Variants in CNOT4 observed in about 807,000 individuals in gnomAD.
The protein encoded by CNOT4 is CCR4-associated factor 4.
CNOT4 carries 8 observed loss-of-function variants against 73.8 expected under a neutral mutation model. That is an observed-to-expected ratio of 0.11 (90% CI 0.06 to 0.20). The LOEUF (loss-of-function observed/expected upper bound fraction) is 0.20, where lower values mean the gene tolerates loss of function less well. CNOT4 is among the 10% of genes least tolerant of loss of function. CNOT4 has a pLI of 1.00. For missense variants in CNOT4, 564 were observed against 883.4 expected (o/e 0.64, Z 4.58); for synonymous variants, 293 against 321.1 (o/e 0.91, Z 0.94).
chr7:135,384,641 C>T, intron 10 of CNOT4: 1 of 764,782 alleles, frequency 1.3e-6, no homozygotes, highest in Non-Finnish European at 2.4e-6. Context: ...CTCTTCCCAC[C>T]ACCCAACGAC....
chr7:135,435,066 T>C (rs1451066691), intron 2 of CNOT4, among the ~76,000 whole-genome samples: 1 of 152,242 alleles, frequency 6.6e-6, no homozygotes. Flanking sequence ...TTTTCTGTAA[T>C]TGTAAAATGA....
At chr7:135,420,577 C>CA (rs71174521) in intron 3 of CNOT4, among the ~76,000 whole-genome samples, 7,092 of 53,014 alleles carry the variant, frequency 0.13, 612 homozygotes, top group Non-Finnish European at 0.15. Context: ...ACCATGTCTC[C>CA]AAAAAAAAAA....
intron 3 of CNOT4, among the ~76,000 whole-genome samples, chr7:135,418,600 C>T (rs933082003): frequency 6.6e-6 from 1 of 152,136 alleles, no homozygotes; most frequent in Non-Finnish European, 1.5e-5. Flanking sequence ...ACACAGAATA[C>T]ACTGGAATAG....
intron 1 of CNOT4, among the ~76,000 whole-genome samples, chr7:135,503,367 G>T (rs1804128724): frequency 6.6e-6 from 1 of 151,884 alleles, no homozygotes; most frequent in South Asian, 2.1e-4. Context: ...AGAGGCTGAG[G>T]TGGGAGAATT....
intron 1 of CNOT4, among the ~76,000 whole-genome samples, chr7:135,458,275 T>C (rs1384494303): frequency 6.6e-6 from 1 of 152,108 alleles, no homozygotes; most frequent in Non-Finnish European, 1.5e-5. Flanking sequence ...AAACAATGTA[T>C]ACACCTTAAT....
intron 8 of CNOT4, among the ~76,000 whole-genome samples, chr7:135,397,592 G>C (rs1418864061): frequency 7.1e-6 from 1 of 141,726 alleles, no homozygotes; most frequent in Non-Finnish European, 1.5e-5. Flanking sequence ...GAAACTCAAG[G>C]AGTGAAAAAC....
chr7:135,453,838 ATATATATAT>A (rs1158180866), intron 1 of CNOT4, among the ~76,000 whole-genome samples: 1 of 139,328 alleles, frequency 7.2e-6, no homozygotes, highest in African/African-American at 2.6e-5. Context: ...ATATATATAT[ATATATATAT>A]TATATATATA....
chr7:135,373,252 A>G (rs1795318545), intron 10 of CNOT4, among the ~76,000 whole-genome samples: 4 of 152,254 alleles, frequency 2.6e-5, no homozygotes. Flanking sequence ...GCCACTGCTC[A>G]GCCTGATGCC....
At chr7:135,508,580 A>G (rs1195546180) in intron 1 of CNOT4, among the ~76,000 whole-genome samples, 1 of 152,248 alleles carries the variant, frequency 6.6e-6, no homozygotes. Context: ...CATCCTAGAA[A>G]TGTCAAGAGA....
chr7:135,401,920 G>A (rs1797023614), intron 7 of CNOT4, among the ~76,000 whole-genome samples: 1 of 151,904 alleles, frequency 6.6e-6, no homozygotes. Flanking sequence ...GATTCAAGTG[G>A]GACTAAGAAA....
chr7:135,388,404 CAGG>C (rs926247471), intron 10 of CNOT4: 5 of 983,584 alleles, frequency 5.1e-6, no homozygotes, highest in South Asian at 9.4e-5. Flanking sequence ...GCAAATTTTT[CAGG>C]AGATTAGGAT....
At chr7:135,432,726 A>G (rs1390400319) in intron 2 of CNOT4, among the ~76,000 whole-genome samples, 12 of 152,150 alleles carry the variant, frequency 7.9e-5, no homozygotes. Flanking sequence ...CTGGGAGAGA[A>G]TGCATGGAAG....
At chr7:135,365,520 T>C (rs1454383614) in intron 10 of CNOT4, among the ~76,000 whole-genome samples, 2 of 151,238 alleles carry the variant, frequency 1.3e-5, no homozygotes, top group Non-Finnish European at 1.5e-5. Flanking sequence ...AATCTGCATT[T>C]ACTAGATAAA....
At chr7:135,489,426 C>T (rs1242587754) in intron 1 of CNOT4, among the ~76,000 whole-genome samples, 6 of 130,930 alleles carry the variant, frequency 4.6e-5, no homozygotes, top group Admixed American at 8.7e-5. Flanking sequence ...GAGACAGTCT[C>T]GCTCTGTCCC....
intron 2 of CNOT4, among the ~76,000 whole-genome samples, chr7:135,428,927 T>C (rs1263627900): frequency 6.6e-6 from 1 of 152,180 alleles, no homozygotes; most frequent in Non-Finnish European, 1.5e-5. Context: ...GTGGCCTGTT[T>C]TTTGACCACT....
chr7:135,396,706 GAGT>G (rs1796715185), intron 8 of CNOT4, among the ~76,000 whole-genome samples: 1 of 151,188 alleles, frequency 6.6e-6, no homozygotes, highest in South Asian at 2.1e-4. Context: ...TGAAAGACTT[GAGT>G]GGTACTGATA....
At chr7:135,367,720 G>A (rs1437900744) in intron 10 of CNOT4, among the ~76,000 whole-genome samples, 2 of 152,150 alleles carry the variant, frequency 1.3e-5, no homozygotes, top group African/African-American at 2.4e-5. Context: ...GAGGTACTGT[G>A]TAGTCAATCT....
chr7:135,463,189 C>T (rs548647308), intron 1 of CNOT4, among the ~76,000 whole-genome samples: 41 of 152,206 alleles, frequency 2.7e-4, no homozygotes, highest in African/African-American at 9.4e-4. Flanking sequence ...TTATACCATG[C>T]ACAAAAACTA....
intron 2 of CNOT4, among the ~76,000 whole-genome samples, chr7:135,431,224 C>T (rs1798817487): frequency 6.6e-6 from 1 of 152,214 alleles, no homozygotes; most frequent in South Asian, 2.1e-4. Flanking sequence ...ATATTTGTGC[C>T]ACTGCACTTC....
Sources: allele counts gnomAD v4.1 joint callset (sites outside exome capture counted in the v4.1 genomes callset), GRCh38; gene constraint gnomAD v4.1.1; transcripts MANE v1.5; gene names NCBI Gene and HGNC (gene_info 2026-07-23, HGNC 2026-07-21).